The following PDE4D variants were observed in gnomAD, a reference collection of about 807,000 sequenced individuals.
The protein encoded by PDE4D is phosphodiesterase 4D.
In PDE4D, 24 loss-of-function variants were observed where a neutral mutation model predicts 87.4. That is an observed-to-expected ratio of 0.27 (90% confidence interval 0.20 to 0.39). The LOEUF (loss-of-function observed/expected upper bound fraction) is 0.39, where lower values mean the gene tolerates loss of function less well. PDE4D is among the 10% of genes least tolerant of loss of function. The pLI, the probability that PDE4D is intolerant of heterozygous loss-of-function variation, is 1.00. For synonymous variants in PDE4D, 384 were observed against 383.2 expected (o/e 1.00, Z -0.02); for missense variants, 714 against 1,041.0 (o/e 0.69, Z 4.32).
intron 3 of PDE4D, among the ~76,000 whole-genome samples, chr5:59,899,045 G>T (rs558902007): frequency 6.7e-4 from 102 of 152,214 alleles, no homozygotes; most frequent in Non-Finnish European, 1.4e-3. Context: ...GATTGATTCA[G>T]ATGGAATTAA....
intron 2 of PDE4D, among the ~76,000 whole-genome samples, chr5:60,050,608 T>C (rs1261840581): frequency 6.6e-6 from 1 of 152,144 alleles, no homozygotes; most frequent in East Asian, 1.9e-4. Flanking sequence ...CCATCAACAC[T>C]ATGAAGAAAC....
intron 1 of PDE4D, among the ~76,000 whole-genome samples, chr5:59,523,667 C>T (rs1273003171): frequency 6.6e-6 from 1 of 152,186 alleles, no homozygotes; most frequent in Non-Finnish European, 1.5e-5. Context: ...AGATACACTT[C>T]CTTTTGTCAA....
intron 1 of PDE4D, among the ~76,000 whole-genome samples, chr5:59,747,718 C>T (rs527469186): frequency 8.5e-5 from 13 of 152,150 alleles, no homozygotes; most frequent in Non-Finnish European, 1.9e-4. Context: ...ATACTGACCT[C>T]CTATACTCTC....
intron 1 of PDE4D, among the ~76,000 whole-genome samples, chr5:59,231,951 TAAC>T (rs1561770176): frequency 6.6e-6 from 1 of 152,166 alleles, no homozygotes; most frequent in Non-Finnish European, 1.5e-5. Context: ...TGTTCTGTCT[TAAC>T]AACAATCAGC....
intron 6 of PDE4D, among the ~76,000 whole-genome samples, chr5:59,036,589 T>A (rs891047327): frequency 8.5e-5 from 13 of 152,350 alleles, no homozygotes; most frequent in Admixed American, 3.3e-4. Flanking sequence ...ATTCATGCCC[T>A]TGTTATGAAG....
At chr5:60,164,285 C>G (rs1014840443) in intron 2 of PDE4D, among the ~76,000 whole-genome samples, 1 of 151,940 alleles carries the variant, frequency 6.6e-6, no homozygotes, top group African/African-American at 2.4e-5. Flanking sequence ...GTAAAGAAAT[C>G]CTTTATTTAC....
At chr5:59,690,873 G>T (rs1296118240) in intron 1 of PDE4D, among the ~76,000 whole-genome samples, 9 of 152,080 alleles carry the variant, frequency 5.9e-5, no homozygotes, top group Admixed American at 5.2e-4. Context: ...AAATTTACAA[G>T]AAAAAATCAA....
At chr5:59,830,292 A>G (rs1740985684) in intron 1 of PDE4D, among the ~76,000 whole-genome samples, 1 of 150,776 alleles carries the variant, frequency 6.6e-6, no homozygotes, top group South Asian at 2.1e-4. Context: ...TTAGGGATAT[A>G]AGGATTAATA....
At chr5:60,404,161 C>CTTTTTTTT (rs35780128) in intron 1 of PDE4D, among the ~76,000 whole-genome samples, 3 of 119,366 alleles carry the variant, frequency 2.5e-5, no homozygotes, top group Non-Finnish European at 3.4e-5. Flanking sequence ...TCAGCCAATT[C>CTTTTTTTT]TTTTTTTTTT....
intron 2 of PDE4D, among the ~76,000 whole-genome samples, chr5:60,089,474 T>G (rs986277082): frequency 6.6e-6 from 1 of 151,720 alleles, no homozygotes; most frequent in African/African-American, 2.4e-5. Context: ...AAAGGAAATT[T>G]AAAAAATTTT....
chr5:60,272,066 T>C (rs776082342), intron 1 of PDE4D, among the ~76,000 whole-genome samples: 2 of 152,160 alleles, frequency 1.3e-5, no homozygotes, highest in Non-Finnish European at 2.9e-5. Context: ...AAGACTCCAC[T>C]GGTATTCAGT....
intron 2 of PDE4D, among the ~76,000 whole-genome samples, chr5:60,077,077 G>A (rs1272148423): frequency 6.6e-6 from 1 of 152,174 alleles, no homozygotes; most frequent in Non-Finnish European, 1.5e-5. Flanking sequence ...TCAAGGCAGG[G>A]GTGACTCTGC....
chr5:60,210,832 G>A (rs1242738932), intron 1 of PDE4D, among the ~76,000 whole-genome samples: 1 of 151,470 alleles, frequency 6.6e-6, no homozygotes, highest in Non-Finnish European at 1.5e-5. Flanking sequence ...AAGATGACCA[G>A]GTGGCCTCAG....
At chr5:59,224,840 G>A (rs1194915084) in intron 1 of PDE4D, among the ~76,000 whole-genome samples, 3 of 152,164 alleles carry the variant, frequency 2.0e-5, no homozygotes, top group Non-Finnish European at 4.4e-5. Flanking sequence ...TGTAGGAAGA[G>A]AGCCCTCAAC....
chr5:59,948,890 A>G (rs754912238), intron 3 of PDE4D, among the ~76,000 whole-genome samples: 9 of 152,244 alleles, frequency 5.9e-5, no homozygotes, highest in Non-Finnish European at 1.2e-4. Context: ...CTTGGGCCCC[A>G]ACTGGTCACC....
At chr5:59,274,871 ATAGT>A (rs1764511406) in intron 1 of PDE4D, among the ~76,000 whole-genome samples, 2 of 128,310 alleles carry the variant, frequency 1.6e-5, no homozygotes, top group Non-Finnish European at 3.8e-5. Context: ...ATTTAGCCAC[ATAGT>A]TAAATTCAAG....
At chr5:59,156,320 A>AAAAAATAT (rs548335725) in intron 5 of PDE4D, among the ~76,000 whole-genome samples, 21 of 81,766 alleles carry the variant, frequency 2.6e-4, no homozygotes, top group African/African-American at 6.6e-4. Flanking sequence ...AAAAAAAAAA[A>AAAAAATAT]ATATATATAT....
rs147147112 is a variant in PDE4D, at chr5:59,430,244, A to G, written c.456-214276T>C. Reference sequence around the variant, plus strand: ...CATCCAAAGCAGTTACCAAAGGGCAACAAAACACATTTTCACTGACAAACA... The same window carrying G: ...CATCCAAAGCAGTTACCAAAGGGCAGCAAAACACATTTTCACTGACAAACA... On this transcript the variant is annotated intron_variant, in intron 1 of 14. Coordinates refer to ENST00000340635, the MANE Select transcript of PDE4D (RefSeq NM_001104631.2). 4.8e-4 allele frequency: 590 copies of G among 1,229,984 alleles called. 1 individual carries two copies. Among genetic ancestry groups the G allele is most frequent in the Non-Finnish European group, 5.7e-4 (565 of 986,658 alleles). 76.2% of individuals were successfully genotyped at this position (1,229,984 alleles called of 1,614,324 possible).
intron 2 of PDE4D, among the ~76,000 whole-genome samples, chr5:60,130,219 C>T (rs1348150142): frequency 6.6e-6 from 1 of 152,158 alleles, no homozygotes. Context: ...GTTGTAGCAG[C>T]TCAAATGGAC....
Sources: allele counts gnomAD v4.1 joint callset (sites outside exome capture counted in the v4.1 genomes callset), GRCh38; gene constraint gnomAD v4.1.1; transcripts MANE v1.5; gene names NCBI Gene and HGNC (gene_info 2026-07-23, HGNC 2026-07-21).